SHANK2: variants seen among roughly 807,000 people sequenced by gnomAD.
SHANK2 encodes SH3 and multiple ankyrin repeat domains 2, also known as SH3 and multiple ankyrin repeat domains protein 2.
Under a neutral mutation model 133.7 loss-of-function variants are expected in SHANK2, and 43 were observed. The observed-to-expected ratio is 0.32, with a 90% CI of 0.25 to 0.41. SHANK2 has a LOEUF of 0.41. SHANK2 is among the 10% of genes least tolerant of loss of function. The pLI is 1.00. For missense variants in SHANK2, 1,994 were observed against 2,235.8 expected, an observed-to-expected ratio of 0.89 and a Z score of 2.18; for synonymous variants, 1,017 against 952.8, an observed-to-expected ratio of 1.07 and a Z score of -1.24.
intron 14 of SHANK2, among the ~76,000 whole-genome samples, chr11:70,781,246 C>T (rs536762473): frequency 1.3e-5 from 2 of 151,822 alleles, no homozygotes; most frequent in Non-Finnish European, 2.9e-5. Flanking sequence ...ACACAGTTCA[C>T]GATTGTTCTG....
intron 5 of SHANK2, among the ~76,000 whole-genome samples, chr11:71,111,297 T>C (rs1555099196): frequency 1.3e-5 from 2 of 152,204 alleles, no homozygotes; most frequent in Admixed American, 1.3e-4. Context: ...AGATTGGTAC[T>C]TAACCCACTT....
At position 70,486,911 on chromosome 11, in the gene SHANK2, C is replaced by T. The variant is rs1555153976; in HGVS notation, c.3382G>A (p.Glu1128Lys). The T allele has an allele frequency of 1.2e-6, 2 of 1,612,624 alleles. No individual in the cohort carries two copies. The highest frequency in any genetic ancestry group is 2.2e-5 in the East Asian group (1 of 44,870). ...TCCTCGTCAGCAAAATCCCCCTCCTCGGGGAACATGGAGGGCCGCGTCCTG... is the reference window on the plus strand; with the variant it reads ...TCCTCGTCAGCAAAATCCCCCTCCTTGGGGAACATGGAGGGCCGCGTCCTG... Reference protein sequence around the residue: ...APRTRPSMFPEEGDFADEDSA... With the variant: ...APRTRPSMFPKEGDFADEDSA... The change falls in exon 25 of 26, where the codon GAG becomes AAG. Residue 1128 changes from glutamate (E) to lysine (K), a missense_variant. By Grantham distance (56) the Glu-to-Lys change is moderately conservative. Transcript: ENST00000601538. This position sits in a 1 kb window ranked among gnomAD's most constrained non-coding sequence, Gnocchi z 8.0.
chr11:70,933,929 A>C (rs1271991737), intron 10 of SHANK2, among the ~76,000 whole-genome samples: 8 of 149,986 alleles, frequency 5.3e-5, no homozygotes, highest in African/African-American at 1.7e-4. Flanking sequence ...AAACAAACAA[A>C]CAAACAAACA....
At chr11:71,166,481 TCTTTTC>T (rs782348278) in intron 2 of SHANK2, among the ~76,000 whole-genome samples, 18 of 146,886 alleles carry the variant, frequency 1.2e-4, no homozygotes, top group South Asian at 2.3e-4. Flanking sequence ...GTCTTTTTTT[TCTTTTC>T]TTTTTTTTTT....
chr11:70,597,211 C>G (rs1321108237), intron 17 of SHANK2, among the ~76,000 whole-genome samples: 1 of 152,064 alleles, frequency 6.6e-6, no homozygotes, highest in Non-Finnish European at 1.5e-5. Flanking sequence ...GGCTCAGCAC[C>G]CGCCGCCAGG....
rs60162629 is a variant in SHANK2, at chr11:70,901,448, C to T, written c.1108-4881G>A. ...GAAGGACTAGTCCTGTAAGAACGGA[C>T]GCTGCTTTGTCCAGGTTTTTCAGAG... On this transcript the variant is annotated intron_variant, in intron 10 of 25. Coordinates refer to ENST00000601538, the MANE Select transcript of SHANK2 (RefSeq NM_012309.5). Among the ~76,000 whole-genome samples, 95 of 152,266 alleles carry T rather than the reference C, an allele frequency of 6.2e-4. 1 individual carries two copies. Among genetic ancestry groups the T allele is most frequent in the African/African-American group, 2.1e-3 (88 of 41,546 alleles).
intron 14 of SHANK2, among the ~76,000 whole-genome samples, chr11:70,798,187 C>T (rs1374711685): frequency 6.6e-6 from 1 of 152,146 alleles, no homozygotes; most frequent in Non-Finnish European, 1.5e-5. Flanking sequence ...ACATACGGTC[C>T]AGGTTTTCTG....
chr11:70,605,268 G>T (rs782607834), intron 17 of SHANK2, among the ~76,000 whole-genome samples: 12 of 152,208 alleles, frequency 7.9e-5, no homozygotes, highest in Non-Finnish European at 1.6e-4. Flanking sequence ...TGTGAGCCCC[G>T]GGGGTGGGAA....
intron 8 of SHANK2, among the ~76,000 whole-genome samples, chr11:71,087,212 G>A (rs1454517445): frequency 6.6e-6 from 1 of 152,204 alleles, no homozygotes; most frequent in African/African-American, 2.4e-5. Flanking sequence ...TCACAGCTGA[G>A]AGCTGCAGTG....
At chr11:70,636,195 G>A (rs1451258583) in intron 17 of SHANK2, among the ~76,000 whole-genome samples, 3 of 152,294 alleles carry the variant, frequency 2.0e-5, no homozygotes, top group African/African-American at 7.2e-5. Flanking sequence ...GCGTGAGCAT[G>A]TGTGAATGCA....
At chr11:70,618,911 G>A (rs1554996857) in intron 17 of SHANK2, among the ~76,000 whole-genome samples, 1 of 152,238 alleles carries the variant, frequency 6.6e-6, no homozygotes, top group Non-Finnish European at 1.5e-5. Context: ...GGGCAGGCGA[G>A]CTTCTCTGGG....
intron 17 of SHANK2, among the ~76,000 whole-genome samples, chr11:70,544,030 C>T (rs527388445): frequency 6.6e-6 from 1 of 152,322 alleles, no homozygotes; most frequent in Admixed American, 6.5e-5. Flanking sequence ...TATAGCCTCA[C>T]AGTCCCCCCA....
intron 14 of SHANK2, among the ~76,000 whole-genome samples, chr11:70,757,504 A>G (rs1401228544): frequency 6.6e-6 from 1 of 152,238 alleles, no homozygotes; most frequent in African/African-American, 2.4e-5. Context: ...ACTGTGGTGT[A>G]TGCAAGCAAA....
At chr11:70,841,202 C>T (rs1360008039) in intron 11 of SHANK2, among the ~76,000 whole-genome samples, 3 of 152,136 alleles carry the variant, frequency 2.0e-5, no homozygotes, top group Non-Finnish European at 4.4e-5. Flanking sequence ...ACCTGGGAGG[C>T]AGAGGTTACA....
At chr11:70,709,925 A>G (rs1945743819) in intron 14 of SHANK2, among the ~76,000 whole-genome samples, 1 of 152,092 alleles carries the variant, frequency 6.6e-6, no homozygotes, top group African/African-American at 2.4e-5. Flanking sequence ...AGCTGAGTCT[A>G]TGCTTTCAGG....
chr11:70,631,611 G>T (rs532253362), intron 17 of SHANK2, among the ~76,000 whole-genome samples: 4 of 152,224 alleles, frequency 2.6e-5, no homozygotes, highest in Admixed American at 1.3e-4. Context: ...CCCAGAGGGC[G>T]CTGGGAATAG....
intron 14 of SHANK2, among the ~76,000 whole-genome samples, chr11:70,782,609 T>C (rs954651246): frequency 6.6e-6 from 1 of 152,202 alleles, no homozygotes; most frequent in Non-Finnish European, 1.5e-5. Context: ...GGAGCAGTCA[T>C]CCGCACACCT....
chr11:70,766,098 T>C (rs550534046), intron 14 of SHANK2, among the ~76,000 whole-genome samples: 1 of 152,328 alleles, frequency 6.6e-6, no homozygotes, highest in Admixed American at 6.5e-5. Context: ...GGAAGCAGAG[T>C]GGACAATGTG....
At chr11:70,819,442 C>G (rs183124144) in intron 12 of SHANK2, among the ~76,000 whole-genome samples, 1 of 152,220 alleles carries the variant, frequency 6.6e-6, no homozygotes, top group African/African-American at 2.4e-5. Context: ...CCTGGGGCCC[C>G]GACAATGAGC....
Sources: allele counts gnomAD v4.1 joint callset (sites outside exome capture counted in the v4.1 genomes callset), GRCh38; gene constraint gnomAD v4.1.1; non-coding constraint Gnocchi (gnomAD v3.1); transcripts MANE v1.5; gene names NCBI Gene and HGNC (gene_info 2026-07-23, HGNC 2026-07-21).